Variants in CNTNAP5 observed in about 807,000 individuals in gnomAD.
CNTNAP5 encodes the protein contactin associated protein family member 5.
A neutral mutation model predicts 150.2 loss-of-function variants in CNTNAP5; 72 were observed. The observed-to-expected ratio is 0.48, with a 90% CI of 0.40 to 0.58. CNTNAP5 has a LOEUF of 0.58. CNTNAP5 is among the 20% of genes least tolerant of loss of function. The pLI, the probability that CNTNAP5 is intolerant of heterozygous loss-of-function variation, is 0.00. For synonymous variants in CNTNAP5, 672 were observed against 619.8 expected, an observed-to-expected ratio of 1.08 and a Z score of -1.25; for missense variants, 1,636 against 1,626.2, an observed-to-expected ratio of 1.01 and a Z score of -0.10.
Position 124,790,040 on chromosome 2 carries a change from A to ACGG in CNTNAP5, c.2893_2895dup (p.Gly965dup). On this transcript the variant is annotated inframe_insertion, in exon 18 of 24. Transcript: ENST00000682447. ...GGCTGCCCCGGCCACTGCAGCAGCTACGGCAGCATCTGCCACAACGGGGGC... is the reference window on the plus strand; with the variant it reads ...GGCTGCCCCGGCCACTGCAGCAGCTACGGCGGCAGCATCTGCCACAACGGGGGC... The ACGG allele has an allele frequency of 6.2e-7, 1 of 1,613,894 alleles. No homozygotes were observed. Among genetic ancestry groups the ACGG allele is most frequent in the African/African-American group, 1.3e-5 (1 of 75,064 alleles).
At chr2:124,076,852 C>T (rs34332236) in intron 1 of CNTNAP5, among the ~76,000 whole-genome samples, 18,321 of 151,964 alleles carry the variant, frequency 0.12, 1,170 homozygotes, top group South Asian at 0.23. Context: ...GGAGCTGCAG[C>T]CAGCATAATA....
chr2:124,176,575 G>A (rs1685069613), intron 1 of CNTNAP5, among the ~76,000 whole-genome samples: 1 of 152,150 alleles, frequency 6.6e-6, no homozygotes, highest in Non-Finnish European at 1.5e-5. Flanking sequence ...TCAGAGTGAA[G>A]AGCTGAAAAT....
intron 1 of CNTNAP5, among the ~76,000 whole-genome samples, chr2:124,051,671 C>A (rs373633983): frequency 1.5e-4 from 23 of 152,152 alleles, no homozygotes; most frequent in African/African-American, 5.3e-4. Flanking sequence ...TTGATTCCAA[C>A]CCAGATAACC....
chr2:124,839,662 C>T (rs1682902557), intron 19 of CNTNAP5, among the ~76,000 whole-genome samples: 1 of 152,064 alleles, frequency 6.6e-6, no homozygotes, highest in Admixed American at 6.6e-5. Context: ...TTCTTAAGAA[C>T]ATTTACTGAT....
intron 1 of CNTNAP5, among the ~76,000 whole-genome samples, chr2:124,191,355 C>A (rs944635971): frequency 6.6e-6 from 1 of 152,180 alleles, no homozygotes; most frequent in Non-Finnish European, 1.5e-5. Context: ...TAGTTTTGAA[C>A]TTCCACTTGC....
At chr2:124,082,691 T>G (rs1480245469) in intron 1 of CNTNAP5, among the ~76,000 whole-genome samples, 2 of 152,244 alleles carry the variant, frequency 1.3e-5, no homozygotes, top group Non-Finnish European at 2.9e-5. Flanking sequence ...TTGGGCCATA[T>G]GGCAGTGGCA....
intron 12 of CNTNAP5, among the ~76,000 whole-genome samples, chr2:124,633,954 G>T (rs1677919592): frequency 6.6e-6 from 1 of 152,138 alleles, no homozygotes; most frequent in African/African-American, 2.4e-5. Context: ...ATGTCTCCAG[G>T]CTACACAGGG....
At chr2:124,095,680 C>T (rs1451974128) in intron 1 of CNTNAP5, among the ~76,000 whole-genome samples, 1 of 152,154 alleles carries the variant, frequency 6.6e-6, no homozygotes, top group Non-Finnish European at 1.5e-5. Flanking sequence ...ATGAGTCTCT[C>T]TTCTGTTGCC....
chr2:124,870,606 T>C (rs1677725269), intron 21 of CNTNAP5, among the ~76,000 whole-genome samples: 2 of 151,290 alleles, frequency 1.3e-5, no homozygotes, highest in Non-Finnish European at 2.9e-5. Flanking sequence ...GATTCTATCA[T>C]ATTCTTTCTG....
chr2:124,100,656 A>G (rs1035816916), intron 1 of CNTNAP5, among the ~76,000 whole-genome samples: 16 of 152,010 alleles, frequency 1.1e-4, no homozygotes, highest in Non-Finnish European at 2.2e-4. Flanking sequence ...ATTTGAGGCC[A>G]GAAGTTTGAG....
chr2:124,400,116 GA>G (rs374595926), intron 3 of CNTNAP5, among the ~76,000 whole-genome samples: 6,036 of 147,232 alleles, frequency 0.041, 137 homozygotes, highest in Non-Finnish European at 0.043. Context: ...GGCTTATAAT[GA>G]AAAAAAAAAA....
chr2:124,621,628 A>C (rs1335832429), intron 12 of CNTNAP5, among the ~76,000 whole-genome samples: 3 of 152,218 alleles, frequency 2.0e-5, no homozygotes, highest in Non-Finnish European at 4.4e-5. Flanking sequence ...AGGTATTGAC[A>C]TAAAGAAAGA....
chr2:124,566,736 T>A (rs1395809465), intron 11 of CNTNAP5, among the ~76,000 whole-genome samples: 1 of 152,136 alleles, frequency 6.6e-6, no homozygotes, highest in South Asian at 2.1e-4. Context: ...TCTAACTAAT[T>A]TCCCCCTCCC....
chr2:124,132,606 T>C (rs544626153), intron 1 of CNTNAP5, among the ~76,000 whole-genome samples: 1 of 152,310 alleles, frequency 6.6e-6, no homozygotes, highest in African/African-American at 2.4e-5. Context: ...ATATTCAAGC[T>C]ATATAAGCAT....
chr2:124,560,058 C>T (rs1400665568), intron 10 of CNTNAP5, among the ~76,000 whole-genome samples: 1 of 152,128 alleles, frequency 6.6e-6, no homozygotes, highest in Non-Finnish European at 1.5e-5. Context: ...GTAGTTTCTA[C>T]ATTTTTATGG....
chr2:124,600,769 A>AGAG (rs1558699440), intron 11 of CNTNAP5, among the ~76,000 whole-genome samples: 36 of 101,794 alleles, frequency 3.5e-4, no homozygotes, highest in African/African-American at 7.3e-4. Context: ...GAGAGAGAGA[A>AGAG]AGAGAGAGAA....
At chr2:124,598,608 C>T (rs1696891717) in intron 11 of CNTNAP5, among the ~76,000 whole-genome samples, 1 of 150,610 alleles carries the variant, frequency 6.6e-6, no homozygotes, top group Admixed American at 6.6e-5. Context: ...TTTGTCTGTG[C>T]CCTGCCCCCA....
rs1276574772 is a variant in CNTNAP5 at position 124,349,885 on chromosome 2, T to TTTC, written c.382-67556_382-67555insCTT. Among the ~76,000 whole-genome samples, 236 of 62,426 alleles carry TTTC rather than the reference T, an allele frequency of 3.8e-3. 3 individuals carry two copies. Among genetic ancestry groups the TTTC allele is most frequent in the African/African-American group, 0.014 (206 of 15,180 alleles). The allele number at this position is 62,426 out of a possible 152,430, so 41.0% of individuals were successfully genotyped here. A position where few individuals can be genotyped will look rare whatever the true frequency, so the allele number is the denominator to read the frequency against. ...ACTTCTGGCTATTTCTTTTTTTTTTTTTTTTTTTTTTTTTTTTGAGACAGA... is the reference window on the plus strand; with the variant it reads ...ACTTCTGGCTATTTCTTTTTTTTTTTTTCTTTTTTTTTTTTTTTTTGAGACAGA... On this transcript the variant is annotated intron_variant, in intron 3 of 23. Coordinates refer to ENST00000682447, the MANE Select transcript of CNTNAP5 (RefSeq NM_001367498.1).
At chr2:124,794,637 T>G (rs998638414) in intron 18 of CNTNAP5, among the ~76,000 whole-genome samples, 1 of 152,192 alleles carries the variant, frequency 6.6e-6, no homozygotes, top group Non-Finnish European at 1.5e-5. Context: ...TTTATACCAT[T>G]TATTTTTACT....
Sources: allele counts gnomAD v4.1 joint callset (sites outside exome capture counted in the v4.1 genomes callset), GRCh38; gene constraint gnomAD v4.1.1; transcripts MANE v1.5; gene names NCBI Gene and HGNC (gene_info 2026-07-23, HGNC 2026-07-21).